Variants in UGT1A6 observed in about 807,000 individuals in gnomAD.
UGT1A6 encodes the protein UDP glucuronosyltransferase family 1 member A6.
UGT1A6 carries 32 observed loss-of-function variants against 44.4 expected under a neutral mutation model. The ratio of observed to expected loss-of-function variants is 0.72; its 90% CI spans 0.54 to 0.97. The LOEUF (loss-of-function observed/expected upper bound fraction) is 0.97, where lower values mean the gene tolerates loss of function less well. UGT1A6 is among the 50% of genes least tolerant of loss of function. The pLI, the probability that UGT1A6 is intolerant of heterozygous loss-of-function variation, is 0.00. For missense variants in UGT1A6, 685 were observed against 661.9 expected (o/e 1.03, Z -0.38); for synonymous variants, 238 against 248.5 (o/e 0.96, Z 0.40).
chr2:233,767,849 G>A lies in UGT1A6; in HGVS notation c.994G>A (p.Val332Ile). ...ADALGKIPQT[V>I]LWRYTGTRPS... ...GTTCTGCTCTTTTTGCCCCTCCCAG[G>A]TCCTGTGGCGGTACACTGGAACCCG... The change falls in exon 3 of 5, where the codon GTC becomes ATC. Residue 332 changes from valine (V) to isoleucine (I), a missense_variant and splice_region_variant. Transcript: ENST00000305139. The A allele has an allele frequency of 1.2e-6, 2 of 1,613,920 alleles. No homozygotes were observed. The highest frequency in any genetic ancestry group is 1.7e-6 in the Non-Finnish European group (2 of 1,180,010).
chr2:233,713,753 G>T (rs764408773), intron 1 of UGT1A6: 4 of 1,613,952 alleles, frequency 2.5e-6, no homozygotes, highest in East Asian at 2.2e-5. Flanking sequence ...ATGCATCTGT[G>T]TGGCTGTTCC....
rs1700524185 is a variant in UGT1A6, at chr2:233,772,466, C to A, written c.1506C>A (p.Ala502=). 6.2e-6 allele frequency: 10 copies of A among 1,614,148 alleles called. No individual in the cohort carries two copies. The highest frequency in any genetic ancestry group is 8.5e-6 in the Non-Finnish European group (10 of 1,180,034). The change falls in exon 5 of 5, where the codon GCC becomes GCA. Residue 502 remains alanine, a synonymous_variant. Coordinates refer to ENST00000305139, the MANE Select transcript of UGT1A6 (RefSeq NM_001072.4). ...GFLLAVVLTV[A]FITFKCCAYG... ...TCTTGGCCGTCGTGCTGACAGTGGCCTTCATCACCTTTAAATGTTGTGCTT... is the reference window on the plus strand; with the variant it reads ...TCTTGGCCGTCGTGCTGACAGTGGCATTCATCACCTTTAAATGTTGTGCTT...
chr2:233,761,181 G>T (rs539737168), intron 1 of UGT1A6: 1 of 1,614,126 alleles, frequency 6.2e-7, no homozygotes, highest in Non-Finnish European at 8.5e-7. Flanking sequence ...TTTTACATGC[G>T]TATATTCTTT....
At chr2:233,729,915 G>A in intron 1 of UGT1A6, 3 of 1,613,956 alleles carry the variant, frequency 1.9e-6, no homozygotes, top group Middle Eastern at 3.3e-4. Context: ...ACTTTGTGAT[G>A]GACTACCCCA....
chr2:233,724,193 GC>G lies in UGT1A6; in HGVS notation c.861+30329del, dbSNP rs1291443847. Among the ~76,000 whole-genome samples, 375 of 129,962 alleles carry G rather than the reference GC, an allele frequency of 2.9e-3. 2 individuals are homozygous for G. Among genetic ancestry groups the G allele is most frequent in the African/African-American group, 0.011 (348 of 31,006 alleles). The allele number at this position is 129,962 out of a possible 152,430, so 85.3% of individuals were successfully genotyped here. ...CCCCATCTCCCTCCCGGACGGGGTG[GC>G]TGGCCGGGCTGAGGGGCTCCTCACT... On this transcript the variant is annotated intron_variant, in intron 1 of 4. Coordinates refer to ENST00000305139, the MANE Select transcript of UGT1A6 (RefSeq NM_001072.4).
At chr2:233,729,941 A>T (rs1478646241) in intron 1 of UGT1A6, 1 of 1,613,962 alleles carries the variant, frequency 6.2e-7, no homozygotes, top group African/African-American at 1.3e-5. Flanking sequence ...ATCATGCCCA[A>T]CATGGTCTTC....
chr2:233,720,665 C>T (rs2076879709), intron 1 of UGT1A6, among the ~76,000 whole-genome samples: 1 of 151,682 alleles, frequency 6.6e-6, no homozygotes, highest in South Asian at 2.1e-4. Flanking sequence ...AATTCACACA[C>T]CAATGAATTT....
At chr2:233,729,583 C>T (rs1274615489) in intron 1 of UGT1A6, 17 of 1,613,918 alleles carry the variant, frequency 1.1e-5, no homozygotes, top group Non-Finnish European at 1.4e-5. Flanking sequence ...TTTAACAGAC[C>T]CCGTTAACCT....
chr2:233,762,430 C>A (rs796065862), intron 1 of UGT1A6, among the ~76,000 whole-genome samples: 1 of 152,178 alleles, frequency 6.6e-6, no homozygotes, highest in African/African-American at 2.4e-5. Context: ...AATAGAGTAA[C>A]AGTGTATTCC....
upstream of UGT1A6, chr2:233,692,834 T>C: frequency 6.2e-6 from 9 of 1,445,768 alleles, no homozygotes; most frequent in East Asian, 2.5e-5. Flanking sequence ...GTGATTAAAA[T>C]GGTTAAATAT....
rs59292838 is a variant in UGT1A6, at chr2:233,748,466, A to G, written c.862-18568A>G. On this transcript the variant is annotated intron_variant, in intron 1 of 4. Transcript: ENST00000305139. ...ACAATTTTCAGGGGAAAGATGATGC[A>G]ACAGCAAATTACAATTGTTAATGTG... is the stretch of plus-strand genomic sequence containing the variant. Among the ~76,000 whole-genome samples, 894 of 151,982 alleles carry G rather than the reference A, an allele frequency of 5.9e-3. 32 individuals carry two copies. The highest frequency in any genetic ancestry group is 0.021 in the African/African-American group (860 of 41,252).
chr2:233,722,960 A>G (rs932052619), intron 1 of UGT1A6, among the ~76,000 whole-genome samples: 1 of 141,792 alleles, frequency 7.1e-6, no homozygotes, highest in African/African-American at 2.6e-5. Context: ...GAGGAGGAGG[A>G]AGGGGAGGGA....
chr2:233,717,321 G>T (rs563311292), intron 1 of UGT1A6, among the ~76,000 whole-genome samples: 1 of 152,328 alleles, frequency 6.6e-6, no homozygotes, highest in African/African-American at 2.4e-5. Flanking sequence ...AGCACTCTGT[G>T]TCCTCACAAA....
chr2:233,754,656 T>C (rs776841418), intron 1 of UGT1A6: 5 of 458,568 alleles, frequency 1.1e-5, no homozygotes. Flanking sequence ...AATGATTCTC[T>C]TGGTGGTGAT....
rs2075149103 is a variant in UGT1A6, at chr2:233,693,369, A to G, written c.365A>G (p.Tyr122Cys). The change falls in exon 1 of 5, where the codon TAC (tyrosine) becomes TGC (cysteine). Residue 122 changes from tyrosine (Y) to cysteine (C), a missense_variant. Coordinates refer to ENST00000305139, the MANE Select transcript of UGT1A6 (RefSeq NM_001072.4). ...AATAACATGATTGTTATTGGCCTGT[A>G]CTTCATCAACTGCCAGAGCCTCCTG... Reference protein sequence around the residue: ...YRNNMIVIGLYFINCQSLLQD... With the variant: ...YRNNMIVIGLCFINCQSLLQD... 2 of 1,614,190 alleles carry G rather than the reference A, an allele frequency of 1.2e-6. No individual in the cohort carries two copies. The highest frequency in any genetic ancestry group is 1.7e-6 in the Non-Finnish European group (2 of 1,180,032).
In UGT1A6 at chr2:233,769,723, C is replaced by G. The variant is rs1318643454; in HGVS notation, c.1301+1284C>G. On this transcript the variant is annotated intron_variant, in intron 4 of 4. Coordinates refer to ENST00000305139, the MANE Select transcript of UGT1A6 (RefSeq NM_001072.4). This position sits in a 1 kb window ranked among gnomAD's most constrained non-coding sequence, Gnocchi z 4.4. ...GATCAATGTTGGCTAGGCACCATGG[C>G]ACACGCCTGTAGTCCCAGCCACTCT... The G allele has an allele frequency of 3.1e-5, 46 of 1,484,642 alleles. No individual in the cohort carries two copies. The Middle Eastern group carries it at 1.2e-3, about 39-fold the overall frequency. 92.0% of individuals were successfully genotyped at this position (1,484,642 alleles called of 1,614,324 possible).
intron 1 of UGT1A6, chr2:233,718,709 A>G (rs1203435699): frequency 2.2e-5 from 36 of 1,605,634 alleles, no homozygotes; most frequent in Non-Finnish European, 2.1e-5. Context: ...TTGTCTTCCA[A>G]TTACATGCTG....
intron 1 of UGT1A6, chr2:233,729,645 G>T (rs752981175): frequency 8.7e-6 from 14 of 1,613,504 alleles, no homozygotes; most frequent in Non-Finnish European, 1.2e-5. Flanking sequence ...TGTTTTTTTT[G>T]AGGAACATTC....
rs11902620 is a variant in UGT1A6, at chr2:233,737,991, T to C, written c.862-29043T>C. Among the ~76,000 whole-genome samples, 1,168 of 152,178 alleles carry C rather than the reference T, an allele frequency of 7.7e-3. 15 individuals carry two copies. The highest frequency in any genetic ancestry group is 0.027 in the African/African-American group (1,127 of 41,508). Reference sequence around the variant, plus strand: ...AGATTTAATATGGTTTGGCTCTGTGTCCCCCACCAAATCTCATCTTGAATT... The same window carrying C: ...AGATTTAATATGGTTTGGCTCTGTGCCCCCCACCAAATCTCATCTTGAATT... On this transcript the variant is annotated intron_variant, in intron 1 of 4. Transcript: ENST00000305139.
Sources: allele counts gnomAD v4.1 joint callset (sites outside exome capture counted in the v4.1 genomes callset), GRCh38; gene constraint gnomAD v4.1.1; non-coding constraint Gnocchi (gnomAD v3.1); transcripts MANE v1.5; gene names NCBI Gene and HGNC (gene_info 2026-07-23, HGNC 2026-07-21).